Variants in PTGIS observed in about 807,000 individuals in gnomAD.
The protein encoded by PTGIS is prostacyclin synthase.
A neutral mutation model predicts 50.3 loss-of-function variants in PTGIS; 45 were observed. That is an observed-to-expected ratio of 0.90 (90% CI 0.70 to 1.15). The LOEUF is 1.15. Among genes scored for constraint, PTGIS ranks in the 50% most tolerant of loss-of-function variants. The pLI is 0.00. For missense variants in PTGIS, 668 were observed against 661.3 expected, an observed-to-expected ratio of 1.01 and a Z score of -0.11; for synonymous variants, 260 against 267.7, an observed-to-expected ratio of 0.97 and a Z score of 0.28.
rs1004740117 is a variant in PTGIS, at chr20:49,507,668, T to A, written c.*252A>T. On this transcript the variant is annotated 3_prime_UTR_variant, in exon 10 of 10. Coordinates refer to ENST00000244043, the MANE Select transcript of PTGIS (RefSeq NM_000961.4). ...CACGAGGTGAGAGTAACGAGGTGAA[T>A]TGGGAGCAGACAAAGCCTGATTTTG... 4 of 568,218 alleles carry A rather than the reference T, an allele frequency of 7.0e-6. No homozygotes were observed. The highest frequency in any genetic ancestry group is 3.0e-5 in the Admixed American group (1 of 33,472). The allele number at this position is 568,218 out of a possible 1,614,324, so 35.2% of individuals were successfully genotyped here.
At chr20:49,511,839 G>A (rs1274144104) in intron 8 of PTGIS, among the ~76,000 whole-genome samples, 1 of 152,152 alleles carries the variant, frequency 6.6e-6, no homozygotes, top group African/African-American at 2.4e-5. Flanking sequence ...TGGATGAATG[G>A]AGGGATGGAT....
intron 1 of PTGIS, among the ~76,000 whole-genome samples, chr20:49,567,620 G>A (rs1320689343): frequency 6.6e-6 from 1 of 152,252 alleles, no homozygotes; most frequent in African/African-American, 2.4e-5. Context: ...GCGCGTAGGT[G>A]GGTGCCAGGT....
intron 8 of PTGIS, among the ~76,000 whole-genome samples, chr20:49,511,851 G>C (rs537374120): frequency 4.2e-4 from 64 of 152,208 alleles, no homozygotes; most frequent in Middle Eastern, 3.4e-3. Context: ...GGGATGGATA[G>C]ATGGATGGAT....
intron 1 of PTGIS, among the ~76,000 whole-genome samples, chr20:49,566,965 T>A (rs6125672): frequency 1.3e-5 from 2 of 152,046 alleles, no homozygotes; most frequent in South Asian, 4.1e-4. Context: ...GTGAGAGAAA[T>A]ACAGGAACTT....
chr20:49,521,638 C>T (rs538222693), intron 6 of PTGIS, among the ~76,000 whole-genome samples: 3 of 152,328 alleles, frequency 2.0e-5, no homozygotes, highest in South Asian at 4.1e-4. Flanking sequence ...CAATTGATCC[C>T]AGTCCCCACC....
chr20:49,544,448 C>G lies in PTGIS; in HGVS notation c.378G>C (p.Leu126=). Residue 126 remains leucine, a splice_region_variant and synonymous_variant, in exon 4 of 10, where the codon CTG becomes CTC. Coordinates refer to ENST00000244043, the MANE Select transcript of PTGIS (RefSeq NM_000961.4). The stretch of plus-strand genomic sequence containing the variant: ...CCTGGAGCTCTCTGTGGAGAAGAGT[C>G]CTGAGGCAGGAAACAAAAGCATGAA... The part of the protein sequence containing the change: ...SPSDEKARMK[L]TLLHRELQAL... 6.2e-7 allele frequency: 1 copy of G among 1,614,064 alleles called. No individual in the cohort carries two copies. Among genetic ancestry groups the G allele is most frequent in the East Asian group, 2.2e-5 (1 of 44,886 alleles).
At chr20:49,523,350 G>C (rs1448611568) in intron 6 of PTGIS, among the ~76,000 whole-genome samples, 5 of 152,160 alleles carry the variant, frequency 3.3e-5, no homozygotes, top group Admixed American at 2.0e-4. Flanking sequence ...ATAAGAGAGA[G>C]AGAGACAGAG....
At position 49,507,885 on chromosome 20, in the gene PTGIS, C is replaced by T. The variant is rs968242973; in HGVS notation, c.*35G>A. The T allele has an allele frequency of 1.2e-6, 2 of 1,606,182 alleles. No homozygotes were observed. Among genetic ancestry groups the T allele is most frequent in the East Asian group, 4.5e-5 (2 of 44,880 alleles). The stretch of plus-strand genomic sequence containing the variant: ...CTGGGGCAGGCTGGGGCAGGCTGGG[C>T]AGAGGCGAGCACGTGGATCCATCTG... On this transcript the variant is annotated 3_prime_UTR_variant, in exon 10 of 10. Coordinates refer to ENST00000244043, the MANE Select transcript of PTGIS (RefSeq NM_000961.4).
intron 8 of PTGIS, among the ~76,000 whole-genome samples, 179 bp downstream of exon 8, chr20:49,512,901 G>A (rs1353695870): frequency 6.6e-6 from 1 of 152,168 alleles, no homozygotes; most frequent in Non-Finnish European, 1.5e-5. Flanking sequence ...CATGAGGCAG[G>A]TGCTATTATG....
Position 49,547,833 on chromosome 20 carries a change from C to G in PTGIS, c.377+8G>C. 1 of 1,614,064 alleles carries G rather than the reference C, an allele frequency of 6.2e-7. No homozygotes were observed. On this transcript the variant is annotated splice_region_variant and intron_variant, in intron 3 of 9. Transcript: ENST00000244043. ...GCCCTCCCACAGGTGCCATCTCCAG[C>G]CACTCACAGTTTCATCCTGGCCTTT...
chr20:49,566,469 A>T (rs185695494), intron 1 of PTGIS, among the ~76,000 whole-genome samples: 92 of 152,368 alleles, frequency 6.0e-4, no homozygotes, highest in African/African-American at 2.2e-3. Context: ...CTTCCCTGAG[A>T]CATTTATTCA....
At chr20:49,512,622 T>C (rs1008563219) in intron 8 of PTGIS, among the ~76,000 whole-genome samples, 2 of 152,198 alleles carry the variant, frequency 1.3e-5, no homozygotes, top group Admixed American at 6.5e-5. Flanking sequence ...TCTCAAAGTC[T>C]GGGGCAAGGC....
chr20:49,551,671 T>C (rs776924865), intron 1 of PTGIS, among the ~76,000 whole-genome samples: 14 of 152,234 alleles, frequency 9.2e-5, no homozygotes, highest in Non-Finnish European at 2.1e-4. Flanking sequence ...CCATGGTCAC[T>C]CATATTTGGC....
chr20:49,544,290 G>A lies in PTGIS; in HGVS notation c.521+15C>T, dbSNP rs1245788403. 1.2e-6 allele frequency: 2 copies of A among 1,613,938 alleles called. No homozygotes were observed. Among genetic ancestry groups the A allele is most frequent in the East Asian group, 2.2e-5 (1 of 44,884 alleles). ...GCCGGGCCCCAGCAGGAGGGTGGGG[G>A]CTGCACAGCCTCACCTGAGCAGGAA... On this transcript the variant is annotated intron_variant, in intron 4 of 9. Transcript: ENST00000244043.
chr20:49,528,676 T>C (rs1981855318), intron 5 of PTGIS, among the ~76,000 whole-genome samples: 1 of 152,108 alleles, frequency 6.6e-6, no homozygotes, highest in Admixed American at 6.5e-5. Context: ...ATCAAATCAG[T>C]TTACATTTGT....
At chr20:49,550,252 T>C in intron 1 of PTGIS, 63 bp from the exon 2 acceptor site, 1 of 1,592,004 alleles carries the variant, frequency 6.3e-7, no homozygotes, top group East Asian at 2.2e-5. Flanking sequence ...AGAGTGTAGG[T>C]TGCAGAGTGT....
chr20:49,514,312 G>C lies in PTGIS; in HGVS notation c.939C>G (p.Leu313=). 1.2e-6 allele frequency: 2 copies of C among 1,614,108 alleles called. No homozygotes were observed. Among genetic ancestry groups the C allele is most frequent in the Non-Finnish European group, 1.7e-6 (2 of 1,180,028 alleles). Residue 313 remains leucine (L), a synonymous_variant, in exon 7 of 10, where the codon CTC becomes CTG. Coordinates refer to ENST00000244043, the MANE Select transcript of PTGIS (RefSeq NM_000961.4). ...PEALAAVRGE[L]ESILWQAEQP... Reference sequence around the variant, plus strand: ...GCTCCGCTTGCCAAAGGATACTCTCGAGCTCTCCGCGGACAGCAGCCAGGG... The same window carrying C: ...GCTCCGCTTGCCAAAGGATACTCTCCAGCTCTCCGCGGACAGCAGCCAGGG...
intron 5 of PTGIS, among the ~76,000 whole-genome samples, chr20:49,535,812 G>A (rs946457011): frequency 5.9e-5 from 9 of 152,166 alleles, no homozygotes; most frequent in Admixed American, 2.0e-4. Flanking sequence ...CACCGTGCTC[G>A]GCCAGATGTC....
intron 1 of PTGIS, among the ~76,000 whole-genome samples, chr20:49,557,119 TTCTC>T (rs1189625698): frequency 2.0e-5 from 3 of 152,232 alleles, no homozygotes; most frequent in African/African-American, 7.2e-5. Flanking sequence ...CCTGTTTTCT[TTCTC>T]TCTTATTTTC....
Sources: gnomAD v4.1 joint callset for allele counts (sites outside exome capture counted in the v4.1 genomes callset) on GRCh38, gnomAD v4.1.1 for gene constraint, MANE v1.5 for transcripts, NCBI Gene and HGNC (gene_info 2026-07-23, HGNC 2026-07-21) for gene names.